Variants in LAMA3 observed in about 807,000 individuals in gnomAD.
LAMA3 encodes laminin subunit alpha 3, also known as laminin subunit alpha-3.
Under a neutral mutation model 402.0 loss-of-function variants are expected in LAMA3, and 281 were observed. The observed-to-expected ratio is 0.70, with a 90% CI of 0.63 to 0.77. The LOEUF is 0.77. LAMA3 is among the 30% of genes least tolerant of loss of function. LAMA3 has a pLI of 0.00. For missense variants in LAMA3, 3,840 were observed against 4,215.5 expected (o/e 0.91, Z 2.47); for synonymous variants, 1,431 against 1,558.4 (o/e 0.92, Z 1.93).
intron 23 of LAMA3, among the ~76,000 whole-genome samples, chr18:23,833,362 A>G (rs1385258108): frequency 6.7e-6 from 1 of 149,816 alleles, no homozygotes; most frequent in Non-Finnish European, 1.5e-5. Context: ...TGTGTTTTAC[A>G]TTATTTCCCT....
chr18:23,876,318 G>T lies in LAMA3; in HGVS notation c.5023G>T (p.Asp1675Tyr). The part of the protein sequence containing the change: ...CQGCSPGYYR[D>Y]HKGLYTGRCV... ...GGGTTGTAGCCCTGGATACTATCGGGATCATAAAGGCTTGTATACCGGACG... is the reference window on the plus strand; with the variant it reads ...GGGTTGTAGCCCTGGATACTATCGGTATCATAAAGGCTTGTATACCGGACG... The change falls in exon 39 of 75, where the codon GAT becomes TAT. Residue 1675 changes from aspartate (D) to tyrosine (Y), a missense_variant. By Grantham distance (160) the Asp-to-Tyr change is radical. This residue lies in a region of LAMA3 where 2,109 missense variants were observed against 2,376.0 expected (regional missense o/e 0.89). Transcript: ENST00000313654. 4 of 1,613,666 alleles carry T rather than the reference G, an allele frequency of 2.5e-6. No homozygotes were observed. Among genetic ancestry groups the T allele is most frequent in the Non-Finnish European group, 3.4e-6 (4 of 1,179,530 alleles).
intron 11 of LAMA3, among the ~76,000 whole-genome samples, chr18:23,780,571 A>C (rs976283030): frequency 1.3e-5 from 2 of 152,048 alleles, no homozygotes; most frequent in African/African-American, 4.8e-5. Flanking sequence ...GACCTAGAGG[A>C]ATAAGAAAAG....
rs780817210 is a variant in LAMA3 at position 23,751,102 on chromosome 18, G to A, written c.855+14G>A. On this transcript the variant is annotated intron_variant, in intron 5 of 74. Transcript: ENST00000313654. The stretch of plus-strand genomic sequence containing the variant: ...GTCACTCGGCGGGTGAGTAGTCAGA[G>A]CATTTGTTTTGTTACTTTATTTATT... 1 of 1,613,894 alleles carries A rather than the reference G, an allele frequency of 6.2e-7. No homozygotes were observed. Among genetic ancestry groups the A allele is most frequent in the Non-Finnish European group, 8.5e-7 (1 of 1,179,838 alleles).
At chr18:23,912,581 A>C (rs2081469887) in intron 55 of LAMA3, 130 bp from the exon 56 acceptor site, 2 of 762,996 alleles carry the variant, frequency 2.6e-6, no homozygotes, top group Admixed American at 1.9e-5. Flanking sequence ...AGACATTCAC[A>C]TTCCCTTGCT....
intron 1 of LAMA3, among the ~76,000 whole-genome samples, chr18:23,711,166 C>T (rs1193009348): frequency 1.3e-5 from 2 of 152,148 alleles, no homozygotes; most frequent in African/African-American, 4.8e-5. Context: ...AAAGCTCGCT[C>T]CTTGGAATTC....
intron 62 of LAMA3, among the ~76,000 whole-genome samples, chr18:23,924,036 G>T (rs1210313351): frequency 6.6e-6 from 1 of 152,166 alleles, no homozygotes; most frequent in Non-Finnish European, 1.5e-5. Context: ...ACAATTTTTT[G>T]TAGAGATGGG....
rs1036118029 is a variant in LAMA3, at chr18:23,690,006, G to A, written c.294+29G>A. On this transcript the variant is annotated intron_variant, in intron 1 of 74. Transcript: ENST00000313654. ...AGGGCCTCGGAGAGAGCCGGGGTGG[G>A]CGCGCCTTTTCCTTCCCGCGCCGGC... 6 of 1,399,154 alleles carry A rather than the reference G, an allele frequency of 4.3e-6. No individual in the cohort carries two copies. The Admixed American group carries it at 8.7e-5, about 20-fold the overall frequency. The allele number at this position is 1,399,154 out of a possible 1,614,324, so 86.7% of individuals were successfully genotyped here.
In LAMA3 at chr18:23,888,938, T is replaced by A. The variant is rs532559182; in HGVS notation, c.5304-1073T>A. On this transcript the variant is annotated intron_variant, in intron 41 of 74. Transcript: ENST00000313654. ...GCATGAATATGTGCTTATTTGACTT[T>A]AAAAAAAAAAAAAAATCAAAGAATC... is the stretch of plus-strand genomic sequence containing the variant. Among the ~76,000 whole-genome samples, 220 of 145,846 alleles carry A rather than the reference T, an allele frequency of 1.5e-3. 3 individuals are homozygous for A. The South Asian group carries it at 0.025, about 17-fold the overall frequency.
At chr18:23,788,067 T>C (rs1311224973) in intron 12 of LAMA3, among the ~76,000 whole-genome samples, 1 of 152,008 alleles carries the variant, frequency 6.6e-6, no homozygotes, top group East Asian at 1.9e-4. Context: ...CAAAGCTGTA[T>C]TGGAGTAAGA....
intron 2 of LAMA3, 34 bp from the exon 3 acceptor site, chr18:23,747,909 G>A (rs758225351): frequency 1.7e-6 from 2 of 1,173,150 alleles, no homozygotes; most frequent in Admixed American, 3.4e-5. Context: ...TCGATGAGAT[G>A]ACATTAATAA....
rs377467121 is a variant in LAMA3 at position 23,839,734 on chromosome 18, G to A, written c.3192-51G>A. 24 of 1,601,022 alleles carry A rather than the reference G, an allele frequency of 1.5e-5. No individual in the cohort carries two copies. The highest frequency in any genetic ancestry group is 3.3e-5 in the Admixed American group (2 of 59,980). ...TGTCTCTTCACTGATGGTCAGTTCT[G>A]TAGCTTTGGGTTCTTTTAAAAATCA... On this transcript the variant is annotated intron_variant, in intron 26 of 74. Transcript: ENST00000313654. The surrounding 1 kb of genome is among the most constrained non-coding windows in gnomAD (Gnocchi z 4.5).
At chr18:23,924,036 G>A (rs1210313351) in intron 62 of LAMA3, among the ~76,000 whole-genome samples, 1 of 152,166 alleles carries the variant, frequency 6.6e-6, no homozygotes, top group African/African-American at 2.4e-5. Context: ...ACAATTTTTT[G>A]TAGAGATGGG....
At chr18:23,725,938 G>A (rs2061293071) in intron 2 of LAMA3, among the ~76,000 whole-genome samples, 1 of 152,186 alleles carries the variant, frequency 6.6e-6, no homozygotes, top group South Asian at 2.1e-4. Flanking sequence ...CTGTTCCATA[G>A]GTTTTAAGCA....
At chr18:23,753,995 C>T (rs982275859) in intron 6 of LAMA3, among the ~76,000 whole-genome samples, 183 bp downstream of exon 6, 2 of 151,922 alleles carry the variant, frequency 1.3e-5, no homozygotes, top group Non-Finnish European at 2.9e-5. Flanking sequence ...TTCACATAAC[C>T]CCTATAGGCC....
At chr18:23,896,818 T>G (rs1476576853) in intron 44 of LAMA3, among the ~76,000 whole-genome samples, 1 of 152,110 alleles carries the variant, frequency 6.6e-6, no homozygotes, top group African/African-American at 2.4e-5. Context: ...AAGTAAGACC[T>G]GGTCCTAGAC....
chr18:23,936,442 G>A (rs1403058902), intron 67 of LAMA3, among the ~76,000 whole-genome samples: 4 of 137,694 alleles, frequency 2.9e-5, no homozygotes, highest in African/African-American at 1.1e-4. Context: ...CTGTGTCCAA[G>A]TGTTCAAACT....
chr18:23,954,772 C>A lies in LAMA3; in HGVS notation c.*124C>A. ...AAACCAGACAGGTTTAATAGCGAAT[C>A]TAATTTTGAATTCTGACCATGGATA... On this transcript the variant is annotated 3_prime_UTR_variant, in exon 75 of 75. Transcript: ENST00000313654. 1 of 1,052,608 alleles carries A rather than the reference C, an allele frequency of 9.5e-7. No individual in the cohort carries two copies. Among genetic ancestry groups the A allele is most frequent in the South Asian group, 1.3e-5 (1 of 77,612 alleles). The allele number at this position is 1,052,608 out of a possible 1,614,324, so 65.2% of individuals were successfully genotyped here. A position where few individuals can be genotyped will look rare whatever the true frequency, so the allele number is the denominator to read the frequency against.
rs866936662 is a variant in LAMA3 at position 23,842,870 on chromosome 18, A to C, written c.3603+120A>C. ...GAATTGAAGTCATATTTGTAGAAAA[A>C]TGTTTAAATTTTACAGCTGTCTTTT... On this transcript the variant is annotated intron_variant, in intron 29 of 74. Coordinates refer to ENST00000313654, the MANE Select transcript of LAMA3 (RefSeq NM_198129.4). The C allele has an allele frequency of 9.8e-6, 13 of 1,325,158 alleles. No homozygotes were observed. In the Middle Eastern group the frequency reaches 1.2e-3, roughly 126 times the overall value. 82.1% of individuals were successfully genotyped at this position (1,325,158 alleles called of 1,614,324 possible). A position where few individuals can be genotyped will look rare whatever the true frequency, so the allele number is the denominator to read the frequency against.
Position 23,899,027 on chromosome 18 carries a change from T to C in LAMA3, c.5798T>C (p.Leu1933Pro). 2.5e-6 allele frequency: 4 copies of C among 1,614,020 alleles called. No individual in the cohort carries two copies. Among genetic ancestry groups the C allele is most frequent in the Non-Finnish European group, 3.4e-6 (4 of 1,179,904 alleles). Residue 1933 changes from leucine to proline, a missense_variant, in exon 46 of 75, where the codon CTG (leucine) becomes CCG (proline). Leu to Pro is a moderately conservative substitution (Grantham distance 98). Transcript: ENST00000313654. ...VNRATQSAKE[L>P]DVKIKNVIRN... ...CGGGCAACACAAAGCGCAAAAGAAC[T>C]GGATGTGAAGATTAAAAATGTCATC...
Sources: gnomAD v4.1 joint callset for allele counts (sites outside exome capture counted in the v4.1 genomes callset) on GRCh38, gnomAD v4.1.1 for gene constraint, gnomAD v4.1.1 regional missense constraint, Gnocchi (gnomAD v3.1) non-coding constraint, MANE v1.5 for transcripts, NCBI Gene and HGNC (gene_info 2026-07-23, HGNC 2026-07-21) for gene names.